Variants in FAM193A observed in about 807,000 individuals in gnomAD.
FAM193A encodes the protein family with sequence similarity 193 member A.
In FAM193A, 22 loss-of-function variants were observed where a neutral mutation model predicts 126.5. The ratio of observed to expected loss-of-function variants is 0.17; its 90% CI spans 0.12 to 0.25. FAM193A has a LOEUF of 0.25. Among genes scored for constraint, FAM193A ranks in the 10% least tolerant of loss-of-function variants. The pLI is 1.00. For synonymous variants in FAM193A, 761 were observed against 646.8 expected, an observed-to-expected ratio of 1.18 and a Z score of -2.68; for missense variants, 1,675 against 1,672.8, an observed-to-expected ratio of 1.00 and a Z score of -0.02.
At chr4:2,561,664 T>G (rs1282678717) in intron 1 of FAM193A, among the ~76,000 whole-genome samples, 3 of 151,726 alleles carry the variant, frequency 2.0e-5, no homozygotes, top group African/African-American at 7.3e-5. Flanking sequence ...ACCTGGCTAA[T>G]TTTTGTATGT....
chr4:2,619,910 C>T (rs1180988151), intron 2 of FAM193A, among the ~76,000 whole-genome samples: 2 of 152,016 alleles, frequency 1.3e-5, no homozygotes, highest in Non-Finnish European at 2.9e-5. Context: ...AGGCTGGTCT[C>T]GAACACCTGA....
intron 7 of FAM193A, chr4:2,654,453 A>C (rs886974702): frequency 3.6e-5 from 5 of 139,314 alleles, no homozygotes; most frequent in African/African-American, 1.4e-4. Flanking sequence ...TGGAAGTTTG[A>C]AATCAATTAT....
rs559435923 is a variant in FAM193A, at chr4:2,681,636, T to C, written c.2332-7870T>C. The stretch of plus-strand genomic sequence containing the variant: ...GCTATCTATCTGTCTGTCTATGTAT[T>C]TATTTACGTAGGGACGGAGGTCTCA... On this transcript the variant is annotated intron_variant, in intron 13 of 20. Transcript: ENST00000637812. Among the ~76,000 whole-genome samples the C allele has an allele frequency of 7.9e-5, 12 of 152,140 alleles. No homozygotes were observed. In the East Asian group the frequency reaches 2.1e-3, roughly 27 times the overall value.
chr4:2,726,606 G>C (rs1360690656), intron 20 of FAM193A, among the ~76,000 whole-genome samples: 1 of 151,620 alleles, frequency 6.6e-6, no homozygotes, highest in African/African-American at 2.4e-5. Flanking sequence ...GCTTCCTACT[G>C]TTTGTAATTC....
At chr4:2,577,454 TGTCACTC>T (rs1476250524) in intron 1 of FAM193A, among the ~76,000 whole-genome samples, 1 of 132,064 alleles carries the variant, frequency 7.6e-6, no homozygotes, top group Non-Finnish European at 1.6e-5. Context: ...AGTCTCAGTC[TGTCACTC>T]AAGCTGGAGT....
intron 7 of FAM193A, among the ~76,000 whole-genome samples, chr4:2,648,480 T>C (rs749309537): frequency 1.8e-4 from 27 of 152,188 alleles, no homozygotes; most frequent in Non-Finnish European, 3.7e-4. Context: ...TAATTCATGT[T>C]TTTGTCTGTT....
At chr4:2,581,514 A>T (rs571473866) in intron 1 of FAM193A, among the ~76,000 whole-genome samples, 2 of 152,252 alleles carry the variant, frequency 1.3e-5, no homozygotes, top group South Asian at 4.1e-4. Flanking sequence ...TGGGCCTCCC[A>T]AAGTGCTGAG....
At chr4:2,582,704 A>T (rs1740020844) in intron 1 of FAM193A, among the ~76,000 whole-genome samples, 1 of 151,866 alleles carries the variant, frequency 6.6e-6, no homozygotes, top group Non-Finnish European at 1.5e-5. Context: ...AGTTGGCCTC[A>T]GTTTATTATT....
intron 1 of FAM193A, among the ~76,000 whole-genome samples, chr4:2,585,694 A>C (rs1033387447): frequency 2.0e-5 from 3 of 152,110 alleles, no homozygotes; most frequent in African/African-American, 7.2e-5. Flanking sequence ...GGGGAGGCCA[A>C]AGTGGGCGGA....
intron 20 of FAM193A, 130 bp from the exon 21 acceptor site, chr4:2,731,645 C>T: frequency 1.4e-6 from 1 of 690,184 alleles, no homozygotes; most frequent in Non-Finnish European, 2.6e-6. Context: ...CTGTGCCCCT[C>T]ACCGAGAATC....
intron 15 of FAM193A, among the ~76,000 whole-genome samples, chr4:2,691,372 C>A: frequency 6.6e-6 from 1 of 152,332 alleles, no homozygotes; most frequent in Non-Finnish European, 1.5e-5. Context: ...CCCACCACCA[C>A]GCACGGCTAA....
At chr4:2,537,673 C>T (rs1286152396) in intron 1 of FAM193A, among the ~76,000 whole-genome samples, 3 of 152,208 alleles carry the variant, frequency 2.0e-5, no homozygotes, top group Non-Finnish European at 4.4e-5. Context: ...TTTCTCTGGC[C>T]ACCTTCGTTA....
chr4:2,631,244 C>T lies in FAM193A; in HGVS notation c.1038+75C>T, dbSNP rs1035700620. On this transcript the variant is annotated intron_variant, in intron 5 of 20. Transcript: ENST00000637812. ...GCATGTGGCAAGAGGAAGCTTCTCA[C>T]GCATGTGTGCCGACCTCGCTGTCAC... is the stretch of plus-strand genomic sequence containing the variant. 9.2e-6 allele frequency: 13 copies of T among 1,407,676 alleles called. No individual in the cohort carries two copies. In the Admixed American group the frequency reaches 9.8e-5, roughly 11 times the overall value. The allele number at this position is 1,407,676 out of a possible 1,614,324, so 87.2% of individuals were successfully genotyped here.
intron 15 of FAM193A, 80 bp downstream of exon 15, chr4:2,691,050 T>G (rs1315595886): frequency 5.2e-6 from 7 of 1,348,822 alleles, no homozygotes; most frequent in Non-Finnish European, 7.1e-6. Context: ...TAACTCATCT[T>G]TGTAACTGCC....
chr4:2,683,965 A>G (rs917068398), intron 13 of FAM193A, among the ~76,000 whole-genome samples: 1 of 152,308 alleles, frequency 6.6e-6, no homozygotes, highest in South Asian at 2.1e-4. Context: ...TGATGAGTCC[A>G]TCACTGATAG....
At chr4:2,708,867 TAGAG>T (rs898389637) in intron 19 of FAM193A, among the ~76,000 whole-genome samples, 6 of 152,342 alleles carry the variant, frequency 3.9e-5, no homozygotes, top group African/African-American at 1.4e-4. Context: ...TGTGTACAAA[TAGAG>T]AAAGTTTTAC....
At chr4:2,553,639 A>T (rs1290826887) in intron 1 of FAM193A, among the ~76,000 whole-genome samples, 19 of 152,046 alleles carry the variant, frequency 1.2e-4, no homozygotes, top group Non-Finnish European at 1.5e-5. Context: ...TTGGCCTTCC[A>T]AAGTGCTGGG....
intron 12 of FAM193A, among the ~76,000 whole-genome samples, chr4:2,668,182 C>G (rs1309028079): frequency 6.6e-6 from 1 of 151,266 alleles, no homozygotes; most frequent in Non-Finnish European, 1.5e-5. Context: ...TAAGATTACA[C>G]TTAACCAGTG....
At chr4:2,667,777 G>GT (rs1399664230) in intron 12 of FAM193A, among the ~76,000 whole-genome samples, 2 of 151,884 alleles carry the variant, frequency 1.3e-5, no homozygotes, top group Non-Finnish European at 2.9e-5. Flanking sequence ...AAATTTTAGT[G>GT]TACTATTTTA....
Sources: gnomAD v4.1 joint callset for allele counts (sites outside exome capture counted in the v4.1 genomes callset) on GRCh38, gnomAD v4.1.1 for gene constraint, MANE v1.5 for transcripts, NCBI Gene and HGNC (gene_info 2026-07-23, HGNC 2026-07-21) for gene names.